ERP44: variants seen among roughly 807,000 people sequenced by gnomAD.
ERP44 encodes the protein endoplasmic reticulum protein 44.
In ERP44, 25 loss-of-function variants were observed where a neutral mutation model predicts 53.4. The observed-to-expected ratio is 0.47, with a 90% CI of 0.34 to 0.65. ERP44 has a LOEUF of 0.65. Among genes scored for constraint, ERP44 ranks in the 30% least tolerant of loss-of-function variants. ERP44 has a pLI of 0.01. For missense variants in ERP44, 338 were observed against 493.2 expected (o/e 0.69, Z 2.98); for synonymous variants, 145 against 161.2 (o/e 0.90, Z 0.76).
intron 1 of ERP44, among the ~76,000 whole-genome samples, chr9:100,069,699 C>T (rs576490161): frequency 4.3e-4 from 65 of 152,172 alleles, no homozygotes; most frequent in African/African-American, 1.4e-3. Flanking sequence ...TGCAGAAATG[C>T]TTGAGAAAAC....
At chr9:100,023,398 C>CA (rs1830616086) in intron 4 of ERP44, among the ~76,000 whole-genome samples, 1 of 141,030 alleles carries the variant, frequency 7.1e-6, no homozygotes, top group African/African-American at 2.6e-5. Flanking sequence ...CCTGAGAAAT[C>CA]ATAAAAAAAA....
At chr9:100,041,315 G>A (rs146654844) in intron 4 of ERP44, among the ~76,000 whole-genome samples, 2,295 of 151,778 alleles carry the variant, frequency 0.015, 22 homozygotes, top group Middle Eastern at 0.027. Context: ...AAAAAAAAAG[G>A]GCAAAAATCG....
chr9:100,025,504 G>A (rs1830642008), intron 4 of ERP44, among the ~76,000 whole-genome samples: 1 of 152,028 alleles, frequency 6.6e-6, no homozygotes, highest in Non-Finnish European at 1.5e-5. Flanking sequence ...AACACTGACA[G>A]AATGAAAGAG....
rs1360965097 is a variant in ERP44 at position 99,980,224 on chromosome 9, T to C, written c.*2388A>G. 2.5e-6 allele frequency: 1 copy of C among 395,860 alleles called. No individual in the cohort carries two copies. The highest frequency in any genetic ancestry group is 4.4e-6 in the Non-Finnish European group (1 of 224,762). The allele number at this position is 395,860 out of a possible 1,614,324, so 24.5% of individuals were successfully genotyped here. Reference sequence around the variant, plus strand: ...TAACACGTTACAGTCATTGTTTACATATCCATATGCCTGACTAGGCTGTGA... The same window carrying C: ...TAACACGTTACAGTCATTGTTTACACATCCATATGCCTGACTAGGCTGTGA... On this transcript the variant is annotated 3_prime_UTR_variant, in exon 12 of 12. Coordinates refer to ENST00000262455, the MANE Select transcript of ERP44 (RefSeq NM_015051.3).
chr9:100,018,614 A>T (rs1830551674), intron 6 of ERP44, among the ~76,000 whole-genome samples: 1 of 152,112 alleles, frequency 6.6e-6, no homozygotes, highest in Non-Finnish European at 1.5e-5. Context: ...GGTCACATGG[A>T]CTAATTAAAA....
chr9:100,043,672 T>G (rs1325104232), intron 4 of ERP44, among the ~76,000 whole-genome samples: 3 of 151,900 alleles, frequency 2.0e-5, no homozygotes, highest in Admixed American at 2.0e-4. Flanking sequence ...CAAGAATCGC[T>G]TGACCACTGG....
intron 1 of ERP44, among the ~76,000 whole-genome samples, chr9:100,061,600 A>ATATATTTATAGAAACG (rs1826150976): frequency 6.8e-6 from 1 of 146,896 alleles, no homozygotes; most frequent in African/African-American, 2.5e-5. Flanking sequence ...TTATAGAAAT[A>ATATATTTATAGAAACG]TATATATTTA....
At chr9:99,999,007 T>C in intron 10 of ERP44, 1 of 1,122,328 alleles carries the variant, frequency 8.9e-7, no homozygotes, top group Non-Finnish European at 1.3e-6. Context: ...GAAGTAGTCG[T>C]GCGTGGGCAG....
chr9:100,060,313 T>C, intron 1 of ERP44, 141 bp from the exon 2 acceptor site: 1 of 988,700 alleles, frequency 1.0e-6, no homozygotes, highest in Non-Finnish European at 1.3e-6. Context: ...TATTATCTAG[T>C]CTAATCTTTT....
intron 10 of ERP44, among the ~76,000 whole-genome samples, chr9:99,986,053 T>C (rs1302355754): frequency 2.0e-5 from 3 of 152,234 alleles, no homozygotes; most frequent in African/African-American, 7.2e-5. Context: ...AACAATGCAC[T>C]GTAGCAGACA....
intron 1 of ERP44, among the ~76,000 whole-genome samples, chr9:100,080,297 G>T (rs1220861690): frequency 6.6e-6 from 1 of 152,164 alleles, no homozygotes; most frequent in Non-Finnish European, 1.5e-5. Flanking sequence ...GCCGCTAGAA[G>T]GTTTTCCTTA....
At chr9:100,005,089 C>T (rs910724170) in intron 10 of ERP44, among the ~76,000 whole-genome samples, 1 of 152,118 alleles carries the variant, frequency 6.6e-6, no homozygotes, top group Non-Finnish European at 1.5e-5. Flanking sequence ...TGTGTTAGTT[C>T]TCTTGACCTC....
At chr9:100,016,788 G>C (rs989086880) in intron 7 of ERP44, among the ~76,000 whole-genome samples, 2 of 152,142 alleles carry the variant, frequency 1.3e-5, no homozygotes, top group Non-Finnish European at 2.9e-5. Flanking sequence ...ATAGATCATG[G>C]AACTTCCAAG....
chr9:100,060,025 G>GTTT, intron 2 of ERP44, 75 bp downstream of exon 2: 6 of 1,049,778 alleles, frequency 5.7e-6, no homozygotes, highest in South Asian at 2.7e-5. Flanking sequence ...ATTTTATTGG[G>GTTT]TTTTTTTTTT....
chr9:100,015,302 T>C (rs1324426194), intron 8 of ERP44, among the ~76,000 whole-genome samples: 1 of 152,222 alleles, frequency 6.6e-6, no homozygotes, highest in African/African-American at 2.4e-5. Flanking sequence ...TTAAAAACTG[T>C]ACCTAATACA....
At chr9:100,097,578 TAAG>T (rs1826654218) in intron 1 of ERP44, among the ~76,000 whole-genome samples, 1 of 152,248 alleles carries the variant, frequency 6.6e-6, no homozygotes, top group African/African-American at 2.4e-5. Context: ...TGTATACTTA[TAAG>T]AAGTGGCAAT....
chr9:99,989,876 T>G (rs950641309), intron 10 of ERP44, among the ~76,000 whole-genome samples: 1 of 152,152 alleles, frequency 6.6e-6, no homozygotes, highest in Non-Finnish European at 1.5e-5. Context: ...ATGTGACACA[T>G]GCACAAGCTA....
chr9:100,076,859 C>A (rs1054794802), intron 1 of ERP44, among the ~76,000 whole-genome samples: 3 of 152,200 alleles, frequency 2.0e-5, no homozygotes, highest in Non-Finnish European at 2.9e-5. Flanking sequence ...CCCCAGCCAC[C>A]CCTGTCATCG....
intron 1 of ERP44, among the ~76,000 whole-genome samples, chr9:100,083,258 A>T (rs950259698): frequency 6.6e-6 from 1 of 152,144 alleles, no homozygotes; most frequent in Non-Finnish European, 1.5e-5. Flanking sequence ...AACAACCTGA[A>T]TATTCATCAA....
Sources: allele counts gnomAD v4.1 joint callset (sites outside exome capture counted in the v4.1 genomes callset), GRCh38; gene constraint gnomAD v4.1.1; transcripts MANE v1.5; gene names NCBI Gene and HGNC (gene_info 2026-07-23, HGNC 2026-07-21).